Variants in KCNIP4 observed in about 807,000 individuals in gnomAD.
The protein encoded by KCNIP4 is Kv channel-interacting protein 4.
Under a neutral mutation model 34.0 loss-of-function variants are expected in KCNIP4, and 12 were observed. That is an observed-to-expected ratio of 0.35 (90% CI 0.23 to 0.57). The LOEUF (loss-of-function observed/expected upper bound fraction) is 0.57, where lower values mean the gene tolerates loss of function less well. Among genes scored for constraint, KCNIP4 ranks in the 20% least tolerant of loss-of-function variants. The pLI, the probability that KCNIP4 is intolerant of heterozygous loss-of-function variation, is 0.83. For missense variants in KCNIP4, 238 were observed against 311.7 expected (o/e 0.76, Z 1.78); for synonymous variants, 124 against 102.2 (o/e 1.21, Z -1.29).
At chr4:21,608,610 G>A (rs549014721) in intron 1 of KCNIP4, among the ~76,000 whole-genome samples, 24 of 152,134 alleles carry the variant, frequency 1.6e-4, no homozygotes, top group African/African-American at 4.6e-4. Context: ...TCCCCATATC[G>A]AGGTCCATAG....
At chr4:20,941,574 C>T (rs1176819984) in intron 1 of KCNIP4, among the ~76,000 whole-genome samples, 2 of 147,842 alleles carry the variant, frequency 1.4e-5, no homozygotes, top group South Asian at 2.1e-4. Context: ...GTTAATTTTT[C>T]GAGGCTTATG....
At chr4:21,231,436 T>C (rs1463283760) in intron 1 of KCNIP4, among the ~76,000 whole-genome samples, 1 of 152,192 alleles carries the variant, frequency 6.6e-6, no homozygotes, top group Admixed American at 6.6e-5. Flanking sequence ...CAAATCATAT[T>C]GCTTAACTGA....
chr4:21,201,186 A>C (rs1013396407), intron 1 of KCNIP4, among the ~76,000 whole-genome samples: 7 of 152,238 alleles, frequency 4.6e-5, no homozygotes, highest in African/African-American at 7.2e-5. Context: ...GAGCTTCATG[A>C]AGCTTTCTGT....
Position 21,735,838 on chromosome 4 carries a change from C to T in KCNIP4, c.61+212733G>A, listed in dbSNP as rs113979801. 6.8e-3 allele frequency among the ~76,000 whole-genome samples: 1,040 copies of T among 152,268 alleles called. 14 individuals are homozygous for T. Among genetic ancestry groups the T allele is most frequent in the African/African-American group, 0.023 (966 of 41,570 alleles). On this transcript the variant is annotated intron_variant, in intron 1 of 8. Coordinates refer to ENST00000382152, the MANE Select transcript of KCNIP4 (RefSeq NM_025221.6). ...GAAGTTATCCTAACCTCTACTCTTA[C>T]GTCTTCCAAATGTGACCATTTGCTA...
In KCNIP4 at chr4:21,547,842, A is replaced by G. The variant is rs773345802; in HGVS notation, c.61+400729T>C. 1.4e-4 allele frequency among the ~76,000 whole-genome samples: 22 copies of G among 151,916 alleles called. No homozygotes were observed. The South Asian group carries it at 2.1e-3, about 14-fold the overall frequency. On this transcript the variant is annotated intron_variant, in intron 1 of 8. Coordinates refer to ENST00000382152, the MANE Select transcript of KCNIP4 (RefSeq NM_025221.6). ...AATCTAAAATTTGTTTATGTTTCATATATACCTTATACGTATAGCCTGAAG... is the reference window on the plus strand; with the variant it reads ...AATCTAAAATTTGTTTATGTTTCATGTATACCTTATACGTATAGCCTGAAG...
intron 1 of KCNIP4, among the ~76,000 whole-genome samples, chr4:20,920,275 C>G (rs372410223): frequency 2.0e-5 from 3 of 152,124 alleles, no homozygotes. Context: ...ACTCACTGAA[C>G]AATTCCTGGA....
chr4:20,742,562 G>A (rs746027850), intron 5 of KCNIP4, among the ~76,000 whole-genome samples: 4 of 151,994 alleles, frequency 2.6e-5, no homozygotes, highest in African/African-American at 7.2e-5. Flanking sequence ...TTAATGGGAC[G>A]TATCTCAAAA....
At chr4:21,198,348 A>G (rs1756210955) in intron 1 of KCNIP4, among the ~76,000 whole-genome samples, 1 of 152,226 alleles carries the variant, frequency 6.6e-6, no homozygotes. Flanking sequence ...TAATGAGAAC[A>G]GAGAGACATA....
intron 1 of KCNIP4, among the ~76,000 whole-genome samples, chr4:20,923,477 A>C (rs1198383345): frequency 6.6e-6 from 1 of 152,068 alleles, no homozygotes; most frequent in African/African-American, 2.4e-5. Flanking sequence ...CATTGTACTC[A>C]CCTATATAGA....
At chr4:20,812,828 T>A (rs1474590047) in intron 3 of KCNIP4, among the ~76,000 whole-genome samples, 1 of 152,062 alleles carries the variant, frequency 6.6e-6, no homozygotes, top group African/African-American at 2.4e-5. Context: ...AGGACCTAAG[T>A]TAAATACTAA....
intron 1 of KCNIP4, among the ~76,000 whole-genome samples, chr4:21,793,829 G>A (rs1376156582): frequency 3.9e-5 from 6 of 152,074 alleles, no homozygotes; most frequent in African/African-American, 1.4e-4. Context: ...AAAGACACAT[G>A]CACACGTATG....
At chr4:21,382,144 G>T (rs1158667465) in intron 1 of KCNIP4, among the ~76,000 whole-genome samples, 1 of 152,174 alleles carries the variant, frequency 6.6e-6, no homozygotes. Context: ...AGCACATGCT[G>T]AAATATGTAG....
At chr4:21,012,964 A>C (rs1025198700) in intron 1 of KCNIP4, among the ~76,000 whole-genome samples, 11 of 152,182 alleles carry the variant, frequency 7.2e-5, no homozygotes, top group Non-Finnish European at 1.3e-4. Flanking sequence ...TAATCCTGAG[A>C]ATTACAGTAA....
chr4:21,440,598 T>C (rs1165084920), intron 1 of KCNIP4, among the ~76,000 whole-genome samples: 4 of 152,200 alleles, frequency 2.6e-5, no homozygotes, highest in Admixed American at 2.0e-4. Flanking sequence ...AAATTGGGCG[T>C]CCGCCGGATG....
intron 1 of KCNIP4, among the ~76,000 whole-genome samples, chr4:21,281,948 C>T (rs1210105247): frequency 1.3e-5 from 2 of 152,150 alleles, no homozygotes; most frequent in Non-Finnish European, 2.9e-5. Flanking sequence ...TCTTGCACAA[C>T]CCCTTCATCC....
chr4:20,781,541 C>G (rs1308535334), intron 3 of KCNIP4, among the ~76,000 whole-genome samples: 2 of 152,116 alleles, frequency 1.3e-5, no homozygotes, highest in Non-Finnish European at 2.9e-5. Flanking sequence ...GCAGAAGGCA[C>G]TTCTTACATG....
chr4:21,296,598 G>T (rs7682872), intron 1 of KCNIP4, among the ~76,000 whole-genome samples: 48,900 of 151,224 alleles, frequency 0.32, 8,391 homozygotes, highest in Middle Eastern at 0.42. Context: ...CTGAGGGTTG[G>T]AGTGCTTATC....
chr4:21,410,407 C>A (rs1184940063), intron 1 of KCNIP4, among the ~76,000 whole-genome samples: 1 of 152,132 alleles, frequency 6.6e-6, no homozygotes, highest in East Asian at 1.9e-4. Context: ...GCAAGGTTAT[C>A]AACGGGATGT....
chr4:21,229,082 C>G (rs1758615023), intron 1 of KCNIP4, among the ~76,000 whole-genome samples: 1 of 152,222 alleles, frequency 6.6e-6, no homozygotes, highest in Admixed American at 6.5e-5. Flanking sequence ...CTGTTTTCCA[C>G]ATGGATCCTG....
Sources: allele counts gnomAD v4.1 joint callset (sites outside exome capture counted in the v4.1 genomes callset), GRCh38; gene constraint gnomAD v4.1.1; transcripts MANE v1.5; gene names NCBI Gene and HGNC (gene_info 2026-07-23, HGNC 2026-07-21).